Variants in PRKCA observed in about 807,000 individuals in gnomAD.
PRKCA encodes protein kinase C alpha type.
In PRKCA, 27 loss-of-function variants were observed where a neutral mutation model predicts 87.0. The observed-to-expected ratio is 0.31, with a 90% CI of 0.23 to 0.43. The LOEUF (loss-of-function observed/expected upper bound fraction) is 0.43, where lower values mean the gene tolerates loss of function less well. Among genes scored for constraint, PRKCA ranks in the 20% least tolerant of loss-of-function variants. PRKCA has a pLI of 1.00. For missense variants in PRKCA, 518 were observed against 852.3 expected (o/e 0.61, Z 4.88); for synonymous variants, 329 against 311.1 (o/e 1.06, Z -0.61).
At chr17:66,793,823 C>T (rs909411829) in intron 16 of PRKCA, among the ~76,000 whole-genome samples, 12 of 152,162 alleles carry the variant, frequency 7.9e-5, no homozygotes, top group Non-Finnish European at 1.5e-4. Flanking sequence ...GGAAGGAAAG[C>T]ACTTTCGGCT....
chr17:66,483,171 T>A (rs530494069), intron 2 of PRKCA, among the ~76,000 whole-genome samples: 19 of 152,322 alleles, frequency 1.2e-4, no homozygotes, highest in African/African-American at 4.6e-4. Flanking sequence ...GTTGCATGTA[T>A]TAGTTTGTTA....
chr17:66,583,712 A>ATAAGTATTTTTCTTTTTTTGAAGTTGGG (rs1027076146), intron 3 of PRKCA, among the ~76,000 whole-genome samples: 1 of 152,148 alleles, frequency 6.6e-6, no homozygotes, highest in African/African-American at 2.4e-5. Flanking sequence ...ATTACAGATG[A>ATAAGTATTTTTCTTTTTTTGAAGTTGGG]TAAGTATTTT....
intron 3 of PRKCA, among the ~76,000 whole-genome samples, chr17:66,626,493 C>CT (rs1970859983): frequency 6.6e-6 from 1 of 151,486 alleles, no homozygotes; most frequent in Non-Finnish European, 1.5e-5. Context: ...TCCCGAGTAG[C>CT]TGGGACTACA....
chr17:66,749,383 T>C (rs893455183), intron 13 of PRKCA, among the ~76,000 whole-genome samples: 1 of 151,882 alleles, frequency 6.6e-6, no homozygotes, highest in African/African-American at 2.4e-5. Flanking sequence ...CCAGTTCCTC[T>C]TCTTTTTCCT....
At position 66,804,204 on chromosome 17, in the gene PRKCA, C is replaced by G. The variant is rs1975972360; in HGVS notation, c.*167C>G. 1 of 893,912 alleles carries G rather than the reference C, an allele frequency of 1.1e-6. No individual in the cohort carries two copies. The highest frequency in any genetic ancestry group is 2.7e-5 in the East Asian group (1 of 36,532). The allele number at this position is 893,912 out of a possible 1,614,324, so 55.4% of individuals were successfully genotyped here. A position where few individuals can be genotyped will look rare whatever the true frequency, so the allele number is the denominator to read the frequency against. ...AAATGTGATCAACTGTTCAGGGTCT[C>G]TCTCTTACAACCAAGAACATTATCT... is the stretch of plus-strand genomic sequence containing the variant. On this transcript the variant is annotated 3_prime_UTR_variant, in exon 17 of 17. Transcript: ENST00000413366.
chr17:66,516,322 A>G (rs1238869449), intron 3 of PRKCA, among the ~76,000 whole-genome samples: 1 of 152,084 alleles, frequency 6.6e-6, no homozygotes, highest in Non-Finnish European at 1.5e-5. Context: ...AAAATGAGCC[A>G]GGAATGTTCA....
chr17:66,794,624 G>GTTTTTT (rs71367182), intron 16 of PRKCA, among the ~76,000 whole-genome samples: 1 of 136,904 alleles, frequency 7.3e-6, no homozygotes. Flanking sequence ...GGGGTTTTTT[G>GTTTTTT]TTTTTTTTTT....
At chr17:66,367,334 C>T (rs1331904939) in intron 2 of PRKCA, among the ~76,000 whole-genome samples, 1 of 152,144 alleles carries the variant, frequency 6.6e-6, no homozygotes, top group Non-Finnish European at 1.5e-5. Context: ...CCTGGTCACA[C>T]CTGTGGATAA....
At chr17:66,496,064 C>A in intron 2 of PRKCA, 137 bp from the exon 3 acceptor site, 1 of 673,844 alleles carries the variant, frequency 1.5e-6, no homozygotes. Context: ...AATGAAATGC[C>A]TTCTGATTGC....
chr17:66,481,233 G>C (rs1915762914), intron 2 of PRKCA, among the ~76,000 whole-genome samples: 1 of 152,090 alleles, frequency 6.6e-6, no homozygotes, highest in African/African-American at 2.4e-5. Context: ...CAAACTAAAA[G>C]CTCCAGGGGG....
Position 66,775,815 on chromosome 17 carries a change from G to A in PRKCA, c.1605+1748G>A, listed in dbSNP as rs912544395. ...GGCCATAAGGATGAACAAAACAGAC[G>A]AGAATCCTTAACTTCGTGAAGCTTA... is the stretch of plus-strand genomic sequence containing the variant. On this transcript the variant is annotated intron_variant, in intron 14 of 16. Coordinates refer to ENST00000413366, the MANE Select transcript of PRKCA (RefSeq NM_002737.3). The A allele has an allele frequency of 2.4e-5, 23 of 959,636 alleles. No individual in the cohort carries two copies. In the African/African-American group the frequency reaches 2.5e-4, roughly 10 times the overall value. 59.4% of individuals were successfully genotyped at this position (959,636 alleles called of 1,614,324 possible).
intron 5 of PRKCA, among the ~76,000 whole-genome samples, chr17:66,649,305 C>T (rs1971531273): frequency 6.6e-6 from 1 of 152,170 alleles, no homozygotes; most frequent in African/African-American, 2.4e-5. Context: ...CTTCTCCCAA[C>T]CAAATAGTTC....
At chr17:66,483,483 CG>C (rs1228697905) in intron 2 of PRKCA, among the ~76,000 whole-genome samples, 1 of 84,690 alleles carries the variant, frequency 1.2e-5, no homozygotes, top group Non-Finnish European at 2.7e-5. Context: ...TTTATTTTTT[CG>C]AGACAGAGTC....
intron 3 of PRKCA, among the ~76,000 whole-genome samples, chr17:66,508,718 C>G (rs1220773041): frequency 2.6e-5 from 4 of 152,180 alleles, no homozygotes; most frequent in African/African-American, 9.7e-5. Context: ...AACTCTCTTT[C>G]CTCTCCATCT....
At chr17:66,712,329 A>C (rs912100956) in intron 8 of PRKCA, among the ~76,000 whole-genome samples, 2 of 152,130 alleles carry the variant, frequency 1.3e-5, no homozygotes, top group African/African-American at 4.8e-5. Flanking sequence ...TTGGGACCCA[A>C]ACCTCTCCCA....
intron 2 of PRKCA, among the ~76,000 whole-genome samples, chr17:66,423,232 G>T (rs1912590867): frequency 6.6e-6 from 1 of 152,144 alleles, no homozygotes; most frequent in Admixed American, 6.5e-5. Flanking sequence ...AGTCTCACCG[G>T]AATGCAGCGA....
intron 8 of PRKCA, chr17:66,703,926 G>A (rs2144103596): frequency 6.6e-6 from 1 of 151,774 alleles, no homozygotes; most frequent in South Asian, 2.1e-4. Context: ...CTGTATTTTT[G>A]TGTGACTGGC....
intron 3 of PRKCA, among the ~76,000 whole-genome samples, chr17:66,521,572 T>C (rs1967162359): frequency 1.3e-5 from 2 of 152,214 alleles, no homozygotes; most frequent in Admixed American, 1.3e-4. Context: ...TTTTTTTCCT[T>C]TCTGGCTAAT....
At chr17:66,463,445 G>C (rs1914947181) in intron 2 of PRKCA, among the ~76,000 whole-genome samples, 1 of 151,866 alleles carries the variant, frequency 6.6e-6, no homozygotes, top group Non-Finnish European at 1.5e-5. Context: ...GCCCAAGCTG[G>C]AGTGCAGTGG....
Sources: gnomAD v4.1 joint callset for allele counts (sites outside exome capture counted in the v4.1 genomes callset) on GRCh38, gnomAD v4.1.1 for gene constraint, MANE v1.5 for transcripts, NCBI Gene and HGNC (gene_info 2026-07-23, HGNC 2026-07-21) for gene names.